The following BRD4 variants were observed in gnomAD, a reference collection of about 807,000 sequenced individuals.
BRD4 encodes bromodomain containing 4.
Under a neutral mutation model 142.1 loss-of-function variants are expected in BRD4, and 16 were observed. The observed-to-expected ratio is 0.11, with a 90% CI of 0.08 to 0.17. The LOEUF (loss-of-function observed/expected upper bound fraction) is 0.17, where lower values mean the gene tolerates loss of function less well. BRD4 is among the 10% of genes least tolerant of loss of function. BRD4 has a pLI of 1.00. For synonymous variants in BRD4, 833 were observed against 707.5 expected (o/e 1.18, Z -2.82); for missense variants, 1,424 against 1,810.9 (o/e 0.79, Z 3.88).
At chr19:15,248,095 G>GA (rs1476680090) in intron 11 of BRD4, 1 of 218,834 alleles carries the variant, frequency 4.6e-6, no homozygotes, top group Non-Finnish European at 9.2e-6. Context: ...TAAAAAAGGA[G>GA]AAAAAATGAA....
At chr19:15,281,674 C>T (rs996399461) in intron 1 of BRD4, among the ~76,000 whole-genome samples, 30 of 152,236 alleles carry the variant, frequency 2.0e-4, no homozygotes, top group African/African-American at 6.7e-4. Flanking sequence ...GTAAAATGTT[C>T]CTGTGAGAAG....
intron 1 of BRD4, among the ~76,000 whole-genome samples, chr19:15,282,990 T>A (rs1011211923): frequency 3.3e-5 from 5 of 152,082 alleles, no homozygotes; most frequent in African/African-American, 4.8e-5. Flanking sequence ...AATTAAATAA[T>A]TAAATTATGA....
intron 1 of BRD4, among the ~76,000 whole-genome samples, chr19:15,287,833 G>A (rs1453258144): frequency 6.6e-6 from 1 of 151,410 alleles, no homozygotes; most frequent in Admixed American, 6.6e-5. Flanking sequence ...GCAGTGGTAC[G>A]ATCTAGGCTC....
intron 1 of BRD4, among the ~76,000 whole-genome samples, chr19:15,310,204 TA>T (rs1318759039): frequency 7.3e-6 from 1 of 137,508 alleles, no homozygotes. Flanking sequence ...AATCCATTTT[TA>T]AACAGTCCTT....
At chr19:15,308,355 C>A (rs1424197719) in intron 1 of BRD4, among the ~76,000 whole-genome samples, 1 of 147,874 alleles carries the variant, frequency 6.8e-6, no homozygotes, top group Non-Finnish European at 1.5e-5. Context: ...TTGGGAGGCC[C>A]AGGCGGGTGA....
Position 15,269,020 on chromosome 19 carries a change from G to A in BRD4, c.308C>T (p.Thr103Met), listed in dbSNP as rs200203571. The A allele has an allele frequency of 8.1e-6, 13 of 1,614,082 alleles. No individual in the cohort carries two copies. The highest frequency in any genetic ancestry group is 1.3e-5 in the African/African-American group (1 of 74,914). The change falls in exon 3 of 20, where the codon ACG (threonine) becomes ATG (methionine). Residue 103 changes from threonine to methionine, a missense_variant. Physicochemically the swap from Thr to Met is moderately conservative, Grantham distance 81. This residue lies in a region of BRD4 where 55 missense variants were observed against 160.7 expected (regional missense o/e 0.34). Transcript: ENST00000679869. ...NLPDYYKIIK[T>M]PMDMGTIKKR... ...CTTTATTGTTCCCATATCCATAGGC[G>A]TTTTAATGATCTTATAGTAATCCTG...
rs1466164094 is a variant in BRD4, at chr19:15,238,049, T to G, written c.*328A>C. The G allele has an allele frequency of 2.5e-6, 1 of 405,056 alleles. No individual in the cohort carries two copies. The highest frequency in any genetic ancestry group is 2.0e-5 in the African/African-American group (1 of 49,780). 25.1% of individuals were successfully genotyped at this position (405,056 alleles called of 1,614,324 possible). On this transcript the variant is annotated 3_prime_UTR_variant, in exon 20 of 20. Coordinates refer to ENST00000679869, the MANE Select transcript of BRD4 (RefSeq NM_001379291.1). This position sits in a 1 kb window ranked among gnomAD's most constrained non-coding sequence, Gnocchi z 7.2. The stretch of plus-strand genomic sequence containing the variant: ...CAGCAACGATGTCCTGTGTATACTG[T>G]GTAGACATTTGGCGGAGAGAAGGGC...
chr19:15,269,135 G>A, intron 2 of BRD4, 93 bp from the exon 3 acceptor site: 1 of 1,452,940 alleles, frequency 6.9e-7, no homozygotes, highest in South Asian at 1.3e-5. Context: ...CCTCACCCCT[G>A]GCTGCTCCAC....
At chr19:15,274,535 C>T (rs555363407) in intron 1 of BRD4, among the ~76,000 whole-genome samples, 15 of 152,338 alleles carry the variant, frequency 9.8e-5, no homozygotes, top group South Asian at 2.1e-4. Context: ...ACCAAGCACA[C>T]GCCAGGTAAG....
intron 1 of BRD4, among the ~76,000 whole-genome samples, chr19:15,282,706 A>C (rs891355951): frequency 2.6e-5 from 4 of 152,200 alleles, no homozygotes; most frequent in African/African-American, 9.7e-5. Context: ...ACTCCTTTAA[A>C]GCCATTTCCC....
At chr19:15,267,641 C>T in intron 3 of BRD4, 90 bp from the exon 4 acceptor site, 1 of 1,465,880 alleles carries the variant, frequency 6.8e-7, no homozygotes, top group Non-Finnish European at 9.2e-7. Flanking sequence ...CCCCCTGCCC[C>T]CAAAACATGA....
chr19:15,331,040 G>C, intron 1 of BRD4, among the ~76,000 whole-genome samples: 1 of 152,022 alleles, frequency 6.6e-6, no homozygotes, highest in East Asian at 1.9e-4. Flanking sequence ...TCCAATTCTC[G>C]TGAGGCATAC....
chr19:15,245,079 G>C (rs1016708020), intron 11 of BRD4: 37 of 469,760 alleles, frequency 7.9e-5, no homozygotes, highest in Non-Finnish European at 1.1e-4. Flanking sequence ...TCAAGGGTCA[G>C]TCACTCACTA....
In BRD4 at chr19:15,239,242, C is replaced by A; in HGVS notation, c.3599G>T (p.Gly1200Val). 1 of 1,613,126 alleles carries A rather than the reference C, an allele frequency of 6.2e-7. No homozygotes were observed. The highest frequency in any genetic ancestry group is 8.5e-7 in the Non-Finnish European group (1 of 1,179,810). The change falls in exon 18 of 20, where the codon GGC (glycine) becomes GTC (valine). Residue 1200 changes from glycine to valine, a missense_variant. By Grantham distance (109) the Gly-to-Val change is moderately radical. Coordinates refer to ENST00000679869, the MANE Select transcript of BRD4 (RefSeq NM_001379291.1). This position sits in a 1 kb window ranked among gnomAD's most constrained non-coding sequence, Gnocchi z 7.4. Reference sequence around the variant, plus strand: ...CTTCTGCACTAGGCTGGCCCAGGAGCCCATGTTCTTGATTTTCAGGTCCTG... The same window carrying A: ...CTTCTGCACTAGGCTGGCCCAGGAGACCATGTTCTTGATTTTCAGGTCCTG... ...PKKDLKIKNM[G>V]SWASLVQKHP...
At chr19:15,247,867 A>G (rs532913277) in intron 11 of BRD4, 11 of 229,158 alleles carry the variant, frequency 4.8e-5, no homozygotes, top group African/African-American at 1.8e-4. Context: ...CTGAGCATCA[A>G]TGCAGGGCCC....
rs574370924 is a variant in BRD4, at chr19:15,292,442, T to C, written c.-34-19309A>G. 5.7e-4 allele frequency among the ~76,000 whole-genome samples: 87 copies of C among 152,234 alleles called. No individual in the cohort carries two copies. In the Middle Eastern group the frequency reaches 0.01, roughly 18 times the overall value. Reference sequence around the variant, plus strand: ...ACTACGGGGAAAACTACCTGCCTAATAGGGCATCGTGAGCAAATGAGAAAA... The same window carrying C: ...ACTACGGGGAAAACTACCTGCCTAACAGGGCATCGTGAGCAAATGAGAAAA... On this transcript the variant is annotated intron_variant, in intron 1 of 19. Coordinates refer to ENST00000679869, the MANE Select transcript of BRD4 (RefSeq NM_001379291.1).
intron 1 of BRD4, among the ~76,000 whole-genome samples, chr19:15,290,128 C>T (rs1275975779): frequency 6.6e-6 from 1 of 151,952 alleles, no homozygotes; most frequent in African/African-American, 2.4e-5. Context: ...CTTCTGAAAC[C>T]CAGAAAATGA....
intron 6 of BRD4, 148 bp downstream of exon 6, chr19:15,264,256 G>A (rs1011062883): frequency 9.2e-6 from 10 of 1,088,180 alleles, no homozygotes; most frequent in Admixed American, 2.6e-5. Context: ...AGCAGGGGGC[G>A]CTGAGTTTCT....
intron 1 of BRD4, among the ~76,000 whole-genome samples, chr19:15,320,379 T>C (rs2048051243): frequency 6.6e-6 from 1 of 152,060 alleles, no homozygotes; most frequent in African/African-American, 2.4e-5. Flanking sequence ...AATAGCAAAA[T>C]TACAACTGTA....
Sources: gnomAD v4.1 joint callset for allele counts (sites outside exome capture counted in the v4.1 genomes callset) on GRCh38, gnomAD v4.1.1 for gene constraint, gnomAD v4.1.1 regional missense constraint, Gnocchi (gnomAD v3.1) non-coding constraint, MANE v1.5 for transcripts, NCBI Gene and HGNC (gene_info 2026-07-23, HGNC 2026-07-21) for gene names.